SEMA5A: variants seen among roughly 807,000 people sequenced by gnomAD.
SEMA5A encodes semaphorin-5A.
SEMA5A carries 55 observed loss-of-function variants against 135.5 expected under a neutral mutation model. That is an observed-to-expected ratio of 0.41 (90% confidence interval 0.33 to 0.51). SEMA5A has a LOEUF of 0.51. Among genes scored for constraint, SEMA5A ranks in the 20% least tolerant of loss-of-function variants. SEMA5A has a pLI of 0.37. For synonymous variants in SEMA5A, 580 were observed against 546.5 expected, an observed-to-expected ratio of 1.06 and a Z score of -0.85; for missense variants, 1,290 against 1,419.9, an observed-to-expected ratio of 0.91 and a Z score of 1.47.
At chr5:9,337,963 C>A in intron 3 of SEMA5A, 151 bp from the exon 4 acceptor site, 1 of 563,774 alleles carries the variant, frequency 1.8e-6, no homozygotes, top group Non-Finnish European at 3.1e-6. Context: ...CTGGAGGTTT[C>A]CCTCAGGATG....
chr5:9,542,528 G>A (rs1738150242), intron 1 of SEMA5A, among the ~76,000 whole-genome samples: 1 of 152,162 alleles, frequency 6.6e-6, no homozygotes, highest in African/African-American at 2.4e-5. Flanking sequence ...GTACTTAGTT[G>A]TAACTCAATT....
intron 5 of SEMA5A, among the ~76,000 whole-genome samples, chr5:9,306,647 C>A (rs945371122): frequency 6.6e-6 from 1 of 152,050 alleles, no homozygotes; most frequent in African/African-American, 2.4e-5. Flanking sequence ...TTTCATCAGC[C>A]AAGAGCAACT....
intron 2 of SEMA5A, among the ~76,000 whole-genome samples, chr5:9,405,474 T>A (rs1756840022): frequency 6.6e-6 from 1 of 152,196 alleles, no homozygotes; most frequent in South Asian, 2.1e-4. Context: ...CTGAATGATG[T>A]ATAATCAAAG....
intron 13 of SEMA5A, among the ~76,000 whole-genome samples, chr5:9,133,572 C>T (rs1033765285): frequency 2.0e-5 from 3 of 152,098 alleles, no homozygotes; most frequent in Admixed American, 6.5e-5. Flanking sequence ...AGCCAGATAT[C>T]ACATCTCAGC....
At chr5:9,142,123 T>G (rs780546695) in intron 12 of SEMA5A, among the ~76,000 whole-genome samples, 1 of 152,180 alleles carries the variant, frequency 6.6e-6, no homozygotes, top group Non-Finnish European at 1.5e-5. Context: ...AAATATTAAA[T>G]AGTTACATGA....
chr5:9,280,498 C>T (rs996333014), intron 5 of SEMA5A, among the ~76,000 whole-genome samples: 1 of 152,174 alleles, frequency 6.6e-6, no homozygotes, highest in Non-Finnish European at 1.5e-5. Context: ...GTGTTAGTGC[C>T]TATGTCCCTC....
At chr5:9,360,218 A>G (rs1038347641) in intron 3 of SEMA5A, among the ~76,000 whole-genome samples, 1 of 152,186 alleles carries the variant, frequency 6.6e-6, no homozygotes, top group African/African-American at 2.4e-5. Flanking sequence ...TCAGGTATGC[A>G]CACACCTGCA....
chr5:9,159,616 A>G (rs1368033420), intron 11 of SEMA5A, among the ~76,000 whole-genome samples: 1 of 152,232 alleles, frequency 6.6e-6, no homozygotes, highest in Non-Finnish European at 1.5e-5. Flanking sequence ...AAATGTAAAC[A>G]GTTCAACCAT....
At chr5:9,103,226 A>G (rs1268711886) in intron 16 of SEMA5A, among the ~76,000 whole-genome samples, 1 of 152,132 alleles carries the variant, frequency 6.6e-6, no homozygotes, top group Non-Finnish European at 1.5e-5. Context: ...CATTTGGAAA[A>G]TCAGGAAAAC....
At chr5:9,524,906 T>G (rs1212861716) in intron 1 of SEMA5A, among the ~76,000 whole-genome samples, 3 of 152,178 alleles carry the variant, frequency 2.0e-5, no homozygotes, top group Non-Finnish European at 2.9e-5. Flanking sequence ...GCCCAAAATT[T>G]GACACTTTGG....
At chr5:9,077,045 T>G (rs1033378678) in intron 16 of SEMA5A, among the ~76,000 whole-genome samples, 9 of 152,264 alleles carry the variant, frequency 5.9e-5, no homozygotes, top group African/African-American at 2.2e-4. Context: ...TCCATGGGAT[T>G]TGGAGAAGTG....
intron 9 of SEMA5A, among the ~76,000 whole-genome samples, chr5:9,198,865 C>G (rs1745554893): frequency 6.6e-6 from 1 of 152,064 alleles, no homozygotes; most frequent in African/African-American, 2.4e-5. Context: ...TGCCTTGGGC[C>G]AGGTGCAGAG....
At chr5:9,059,846 G>A (rs937053561) in intron 18 of SEMA5A, among the ~76,000 whole-genome samples, 5 of 152,090 alleles carry the variant, frequency 3.3e-5, no homozygotes, top group Admixed American at 2.0e-4. Context: ...CTCCATGCCC[G>A]GCTGATTTAT....
chr5:9,106,369 A>G (rs1201556536), intron 16 of SEMA5A, among the ~76,000 whole-genome samples: 2 of 152,232 alleles, frequency 1.3e-5, no homozygotes, highest in Non-Finnish European at 2.9e-5. Flanking sequence ...TGTCACACAT[A>G]CACACATAGG....
chr5:9,288,371 C>A (rs1561110839), intron 5 of SEMA5A, among the ~76,000 whole-genome samples: 1 of 152,184 alleles, frequency 6.6e-6, no homozygotes, highest in East Asian at 1.9e-4. Context: ...CCAGGTAACC[C>A]AGTGGCAGCC....
At chr5:9,443,349 G>C (rs550310657) in intron 1 of SEMA5A, among the ~76,000 whole-genome samples, 5 of 152,150 alleles carry the variant, frequency 3.3e-5, no homozygotes, top group African/African-American at 1.2e-4. Flanking sequence ...AGAGAGGGGA[G>C]AGGGGAGGAA....
At chr5:9,502,068 C>A (rs1231632086) in intron 1 of SEMA5A, among the ~76,000 whole-genome samples, 2 of 152,156 alleles carry the variant, frequency 1.3e-5, no homozygotes, top group Non-Finnish European at 2.9e-5. Context: ...AATATTTAAT[C>A]ATGAGCATTC....
chr5:9,307,113 A>C (rs1286413149), intron 5 of SEMA5A, among the ~76,000 whole-genome samples: 12 of 152,230 alleles, frequency 7.9e-5, no homozygotes, highest in Admixed American at 7.9e-4. Flanking sequence ...AATTGAAAGT[A>C]GAATTGAATT....
Position 9,392,195 on chromosome 5 carries a change from C to T in SEMA5A, c.-77-12172G>A, listed in dbSNP as rs1579464894. Among the ~76,000 whole-genome samples, 5 of 152,288 alleles carry T rather than the reference C, an allele frequency of 3.3e-5. No homozygotes were observed. The South Asian group carries it at 6.2e-4, about 19-fold the overall frequency. On this transcript the variant is annotated intron_variant, in intron 2 of 22. Transcript: ENST00000382496. ...GCTAAAGTACCTCCCTTTTACTCCA[C>T]TATTAGATTCCATTATTATTTTATC...
Sources: allele counts gnomAD v4.1 joint callset (sites outside exome capture counted in the v4.1 genomes callset), GRCh38; gene constraint gnomAD v4.1.1; transcripts MANE v1.5; gene names NCBI Gene and HGNC (gene_info 2026-07-23, HGNC 2026-07-21).